The following WDR6 variants were observed in gnomAD, a reference collection of about 807,000 sequenced individuals.
WDR6 encodes WD repeat domain 6.
WDR6 carries 58 observed loss-of-function variants against 85.6 expected under a neutral mutation model. The observed-to-expected ratio is 0.68, with a 90% CI of 0.55 to 0.84. The LOEUF (loss-of-function observed/expected upper bound fraction) is 0.84, where lower values mean the gene tolerates loss of function less well. WDR6 is among the 40% of genes least tolerant of loss of function. The pLI, the probability that WDR6 is intolerant of heterozygous loss-of-function variation, is 0.00. For missense variants in WDR6, 1,310 were observed against 1,476.4 expected (o/e 0.89, Z 1.85); for synonymous variants, 569 against 582.2 (o/e 0.98, Z 0.33).
rs1005872850 is a variant in WDR6, at chr3:49,015,017, T to G, written c.3095T>G (p.Leu1032Arg). 8 of 1,614,092 alleles carry G rather than the reference T, an allele frequency of 5.0e-6. No individual in the cohort carries two copies. In the Admixed American group the frequency reaches 5.0e-5, roughly 10 times the overall value. ...AVGEAGLVPQLRVLEEYSVPC... is the reference protein window; with the variant it reads ...AVGEAGLVPQRRVLEEYSVPC... ...GGAGAGGCTGGGCTGGTACCCCAGC[T>G]GCGTGTGCTAGAGGAATACTCTGTC... Residue 1032 changes from leucine to arginine, a missense_variant, in exon 6 of 6, where the codon CTG (leucine) becomes CGG (arginine). Transcript: ENST00000608424.
chr3:49,013,221 C>G lies in WDR6; in HGVS notation c.1687C>G (p.Leu563Val), dbSNP rs374506898. 9.3e-6 allele frequency: 15 copies of G among 1,613,996 alleles called. No individual in the cohort carries two copies. Among genetic ancestry groups the G allele is most frequent in the Non-Finnish European group, 1.2e-5 (14 of 1,180,002 alleles). The change falls in exon 2 of 6, where the codon CTG becomes GTG. Residue 563 changes from leucine (L) to valine (V), a missense_variant. Coordinates refer to ENST00000608424, the MANE Select transcript of WDR6 (RefSeq NM_018031.6). This position sits in a 1 kb window ranked among gnomAD's most constrained non-coding sequence, Gnocchi z 4.6. ...CACTGGGTTGGGCCCAGTGTCTACC[C>G]TGCCCTCTCTGCACGGGAAGCAGGG... ...AFTGLGPVST[L>V]PSLHGKQGVT... is the part of the protein sequence containing the mutation.
At chr3:49,009,274 TCCA>T (rs2093001905) in intron 1 of WDR6, among the ~76,000 whole-genome samples, 1 of 143,606 alleles carries the variant, frequency 7.0e-6, no homozygotes, top group South Asian at 2.2e-4. Flanking sequence ...TGCTGTTTTC[TCCA>T]CCAAGAAAGC....
In WDR6 at chr3:49,012,538, T is replaced by C. The variant is rs1419354255; in HGVS notation, c.1004T>C (p.Leu335Ser). 1 of 1,613,908 alleles carries C rather than the reference T, an allele frequency of 6.2e-7. No individual in the cohort carries two copies. Among genetic ancestry groups the C allele is most frequent in the African/African-American group, 1.3e-5 (1 of 74,964 alleles). Reference sequence around the variant, plus strand: ...TTGGTAGGGCGTGGGTACCGGGGATTGGGGGTCTCGGCTCTCTGCTTCAAG... The same window carrying C: ...TTGGTAGGGCGTGGGTACCGGGGATCGGGGGTCTCGGCTCTCTGCTTCAAG... The part of the protein sequence containing the change: ...WHLVGRGYRG[L>S]GVSALCFKSR... The change falls in exon 2 of 6, where the codon TTG becomes TCG. Residue 335 changes from leucine to serine, a missense_variant. By Grantham distance (145) the Leu-to-Ser change is moderately radical. Transcript: ENST00000608424. This position sits in a 1 kb window ranked among gnomAD's most constrained non-coding sequence, Gnocchi z 4.4.
Position 49,011,990 on chromosome 3 carries a change from G to A in WDR6, c.456G>A (p.Val152=), listed in dbSNP as rs370358900. Residue 152 remains valine (V), a synonymous_variant, in exon 2 of 6, where the codon GTG becomes GTA. Transcript: ENST00000608424. ...TAGTAGGGTGCATCCTGCAAGAGGT[G>A]CCCTGCACAGACAGGTGCACCCTCT... ...DPVVGCILQE[V]PCTDRCTLSS... The A allele has an allele frequency of 1.2e-6, 2 of 1,614,208 alleles. No individual in the cohort carries two copies. The highest frequency in any genetic ancestry group is 8.5e-7 in the Non-Finnish European group (1 of 1,180,042).
Position 49,014,976 on chromosome 3 carries a change from G to A in WDR6, c.3054G>A (p.Gln1018=). 1.2e-6 allele frequency: 2 copies of A among 1,614,166 alleles called. No individual in the cohort carries two copies. The highest frequency in any genetic ancestry group is 1.1e-5 in the South Asian group (1 of 91,084). Residue 1018 remains glutamine (Q), a synonymous_variant, in exon 6 of 6, where the codon CAG becomes CAA. Coordinates refer to ENST00000608424, the MANE Select transcript of WDR6 (RefSeq NM_018031.6). This position sits in a 1 kb window ranked among gnomAD's most constrained non-coding sequence, Gnocchi z 4.9. ...TCGTGCTTGCTGTGGAGATGCTACAGCTAGAAGAGGCTGTGGGAGAGGCTG... is the reference window on the plus strand; with the variant it reads ...TCGTGCTTGCTGTGGAGATGCTACAACTAGAAGAGGCTGTGGGAGAGGCTG... ...HVFVLAVEML[Q]LEEAVGEAGL... is the part of the protein sequence containing the mutation.
In WDR6 at chr3:49,013,628, T is replaced by A. The variant is rs2093030591; in HGVS notation, c.2094T>A (p.Gly698=). ...CTRPHVILRE[G]LHGREITCVK... is the part of the protein sequence containing the mutation. ...GGCCACACGTGATTCTCCGGGAGGG[T>A]CTGCATGGCCGTGAGATCACTTGTG... Residue 698 remains glycine, a synonymous_variant, in exon 2 of 6, where the codon GGT becomes GGA. Coordinates refer to ENST00000608424, the MANE Select transcript of WDR6 (RefSeq NM_018031.6). The surrounding 1 kb of genome is among the most constrained non-coding windows in gnomAD (Gnocchi z 4.6). The A allele has an allele frequency of 6.2e-7, 1 of 1,613,750 alleles. No individual in the cohort carries two copies. The highest frequency in any genetic ancestry group is 1.3e-5 in the African/African-American group (1 of 74,774).
chr3:49,009,582 C>A (rs188956810), intron 1 of WDR6, among the ~76,000 whole-genome samples: 1 of 152,178 alleles, frequency 6.6e-6, no homozygotes, highest in African/African-American at 2.4e-5. Context: ...GTAGCACAAC[C>A]CCTGGAGACA....
At position 49,013,609 on chromosome 3, in the gene WDR6, A is replaced by G; in HGVS notation, c.2075A>G (p.His692Arg). The change falls in exon 2 of 6, where the codon CAC (histidine) becomes CGC (arginine). Residue 692 changes from histidine (H) to arginine (R), a missense_variant. His to Arg is a conservative substitution (Grantham distance 29). Transcript: ENST00000608424. The surrounding 1 kb of genome is among the most constrained non-coding windows in gnomAD (Gnocchi z 4.6). Reference protein sequence around the residue: ...YRALGGCTRPHVILREGLHGR... With the variant: ...YRALGGCTRPRVILREGLHGR... Reference sequence around the variant, plus strand: ...GCTCTGGGTGGCTGCACCCGGCCACACGTGATTCTCCGGGAGGGTCTGCAT... The same window carrying G: ...GCTCTGGGTGGCTGCACCCGGCCACGCGTGATTCTCCGGGAGGGTCTGCAT... 2 of 1,614,116 alleles carry G rather than the reference A, an allele frequency of 1.2e-6. No homozygotes were observed. The highest frequency in any genetic ancestry group is 1.7e-6 in the Non-Finnish European group (2 of 1,180,008).
At position 49,007,486 on chromosome 3, in the gene WDR6, C is replaced by T. The variant is rs2092989541; in HGVS notation, c.55C>T (p.Leu19Phe). 1.9e-6 allele frequency: 3 copies of T among 1,610,798 alleles called. No homozygotes were observed. The highest frequency in any genetic ancestry group is 2.5e-6 in the Non-Finnish European group (3 of 1,177,560). Residue 19 changes from leucine (L) to phenylalanine (F), a missense_variant, in exon 1 of 6, where the codon CTC becomes TTC. Leu to Phe is a conservative substitution (Grantham distance 22). Transcript: ENST00000608424. This position sits in a 1 kb window ranked among gnomAD's most constrained non-coding sequence, Gnocchi z 5.1. ...WPRATSELIL[L>F]PVTGLECVGD... ...GCGGGCAACCTCGGAGCTTATACTC[C>T]TCCCAGTGACGGGTCTGGAGTGCGT... is the stretch of plus-strand genomic sequence containing the variant.
intron 1 of WDR6, chr3:49,008,289 A>G (rs900218126): frequency 6.6e-6 from 1 of 152,260 alleles, no homozygotes; most frequent in African/African-American, 2.4e-5. Flanking sequence ...TCGAACAGTC[A>G]TTACATGAAG....
In WDR6 at chr3:49,014,293, G is replaced by A. The variant is rs1297131687; in HGVS notation, c.2666G>A (p.Arg889Lys). 4 of 1,614,148 alleles carry A rather than the reference G, an allele frequency of 2.5e-6. No homozygotes were observed. The South Asian group carries it at 3.3e-5, about 13-fold the overall frequency. Residue 889 changes from arginine to lysine, a missense_variant and splice_region_variant, in exon 3 of 6, where the codon AGG becomes AAG. Arg to Lys is a conservative substitution (Grantham distance 26). Coordinates refer to ENST00000608424, the MANE Select transcript of WDR6 (RefSeq NM_018031.6). The surrounding 1 kb of genome is among the most constrained non-coding windows in gnomAD (Gnocchi z 4.9). ...GCAGCCTGTAGTGATGGGGCCGTAAGGTGAGAGCATAGGGCCCAGTGGGAC... is the reference window on the plus strand; with the variant it reads ...GCAGCCTGTAGTGATGGGGCCGTAAAGTGAGAGCATAGGGCCCAGTGGGAC... ...VAAACSDGAV[R>K]LFLLQDSGRI...
chr3:49,015,263 T>C lies in WDR6; in HGVS notation c.3341T>C (p.Leu1114Pro), dbSNP rs1338594382. 6.2e-7 allele frequency: 1 copy of C among 1,611,822 alleles called. No individual in the cohort carries two copies. Among genetic ancestry groups the C allele is most frequent in the East Asian group, 2.2e-5 (1 of 44,868 alleles). ...CGTTGTGCCCTTGGGGGTCAGGGGCTTGAGGTTTACAACTGGTATGACTGA... is the reference window on the plus strand; with the variant it reads ...CGTTGTGCCCTTGGGGGTCAGGGGCCTGAGGTTTACAACTGGTATGACTGA... ...GHRCALGGQG[L>P]EVYNWYD Residue 1114 changes from leucine to proline, a missense_variant, in exon 6 of 6, where the codon CTT (leucine) becomes CCT (proline). Leu to Pro is a moderately conservative substitution (Grantham distance 98). Coordinates refer to ENST00000608424, the MANE Select transcript of WDR6 (RefSeq NM_018031.6).
At chr3:49,010,026 C>T (rs2106687584) in intron 1 of WDR6, among the ~76,000 whole-genome samples, 1 of 150,950 alleles carries the variant, frequency 6.6e-6, no homozygotes, top group Non-Finnish European at 1.5e-5. Context: ...CAGGCCCCAT[C>T]TCTATTTTTT....
chr3:49,015,922 A>G lies in WDR6; in HGVS notation c.*634A>G. 6.2e-7 allele frequency: 1 copy of G among 1,614,160 alleles called. No homozygotes were observed. The highest frequency in any genetic ancestry group is 8.5e-7 in the Non-Finnish European group (1 of 1,180,024). Reference sequence around the variant, plus strand: ...GCCCATCTCTTTGCTCTTGTGCCCCAGGCCAGAATAAAGAATAGAGTGTAG... The same window carrying G: ...GCCCATCTCTTTGCTCTTGTGCCCCGGGCCAGAATAAAGAATAGAGTGTAG... On this transcript the variant is annotated 3_prime_UTR_variant, in exon 6 of 6. Transcript: ENST00000608424.
chr3:49,009,305 C>A (rs1166602109), intron 1 of WDR6, among the ~76,000 whole-genome samples: 1 of 27,768 alleles, frequency 3.6e-5, no homozygotes, highest in Non-Finnish European at 5.9e-5. Context: ...CCTCCCATTG[C>A]TCCCCACCCC....
In WDR6 at chr3:49,015,783, C is replaced by T; in HGVS notation, c.*495C>T. Reference sequence around the variant, plus strand: ...CCCTATACCTCTCTGCACGTCCCACCCCATTTTGCTGTGTGCTCACCCCCA... The same window carrying T: ...CCCTATACCTCTCTGCACGTCCCACTCCATTTTGCTGTGTGCTCACCCCCA... On this transcript the variant is annotated 3_prime_UTR_variant, in exon 6 of 6. Transcript: ENST00000608424. 6.2e-7 allele frequency: 1 copy of T among 1,613,984 alleles called. No homozygotes were observed. The highest frequency in any genetic ancestry group is 2.2e-5 in the East Asian group (1 of 44,894).
At position 49,013,686 on chromosome 3, in the gene WDR6, G is replaced by A. The variant is rs990965850; in HGVS notation, c.2152G>A (p.Glu718Lys). ...TGTGGGCACCATTACCCTGGGGCCT[G>A]AATATGGAGTGCCCAGCTTCATGCA... is the stretch of plus-strand genomic sequence containing the variant. Reference protein sequence around the residue: ...KRVGTITLGPEYGVPSFMQPD... With the variant: ...KRVGTITLGPKYGVPSFMQPD... Residue 718 changes from glutamate (E) to lysine (K), a missense_variant, in exon 2 of 6, where the codon GAA (glutamate) becomes AAA (lysine). Glu to Lys is a moderately conservative substitution (Grantham distance 56). Coordinates refer to ENST00000608424, the MANE Select transcript of WDR6 (RefSeq NM_018031.6). The surrounding 1 kb of genome is among the most constrained non-coding windows in gnomAD (Gnocchi z 4.6). The A allele has an allele frequency of 1.9e-6, 3 of 1,614,002 alleles. No individual in the cohort carries two copies. Among genetic ancestry groups the A allele is most frequent in the Non-Finnish European group, 2.5e-6 (3 of 1,180,000 alleles).
rs1315846151 is a variant in WDR6, at chr3:49,011,687, G to A, written c.153G>A (p.Arg51=). 6.2e-7 allele frequency: 1 copy of A among 1,614,198 alleles called. No homozygotes were observed. Among genetic ancestry groups the A allele is most frequent in the South Asian group, 1.1e-5 (1 of 91,090 alleles). Residue 51 remains arginine, a synonymous_variant, in exon 2 of 6, where the codon CGG becomes CGA. Transcript: ENST00000608424. ...VYSLDFGGHL[R]MIKRVQNLLG... ...GCTTGGACTTTGGTGGGCATCTGCG[G>A]ATGATAAAGCGAGTGCAGAACCTGC...
chr3:49,014,620 C>G lies in WDR6; in HGVS notation c.2804C>G (p.Ala935Gly). The change falls in exon 5 of 6, where the codon GCA (alanine) becomes GGA (glycine). Residue 935 changes from alanine to glycine, a missense_variant. Coordinates refer to ENST00000608424, the MANE Select transcript of WDR6 (RefSeq NM_018031.6). This position sits in a 1 kb window ranked among gnomAD's most constrained non-coding sequence, Gnocchi z 4.9. ...CTCAGGAGGCTCCTCCTGTGCAGCG[C>G]AGCTACTGATGGCAGCCTGGCTTTC... ...NQRRRLLLCSAATDGSLAFWD... is the reference protein window; with the variant it reads ...NQRRRLLLCSGATDGSLAFWD... The G allele has an allele frequency of 6.2e-7, 1 of 1,613,724 alleles. No individual in the cohort carries two copies. The highest frequency in any genetic ancestry group is 1.3e-5 in the African/African-American group (1 of 75,024).
Sources: allele counts gnomAD v4.1 joint callset (sites outside exome capture counted in the v4.1 genomes callset), GRCh38; gene constraint gnomAD v4.1.1; non-coding constraint Gnocchi (gnomAD v3.1); transcripts MANE v1.5; gene names NCBI Gene and HGNC (gene_info 2026-07-23, HGNC 2026-07-21).